Variants in TSHZ2 observed in about 807,000 individuals in gnomAD.
TSHZ2 encodes teashirt zinc finger homeobox 2.
In TSHZ2, 21 loss-of-function variants were observed where a neutral mutation model predicts 74.4. That is an observed-to-expected ratio of 0.28 (90% confidence interval 0.20 to 0.41). The LOEUF (loss-of-function observed/expected upper bound fraction) is 0.41. Among genes scored for constraint, TSHZ2 ranks in the 10% least tolerant of loss-of-function variants. TSHZ2 has a pLI of 1.00. For missense variants in TSHZ2, 1,244 were observed against 1,293.5 expected, an observed-to-expected ratio of 0.96 and a Z score of 0.59; for synonymous variants, 540 against 515.3, an observed-to-expected ratio of 1.05 and a Z score of -0.65.
intron 1 of TSHZ2, among the ~76,000 whole-genome samples, chr20:53,233,329 A>G (rs2123676025): frequency 6.6e-6 from 1 of 152,372 alleles, no homozygotes; most frequent in East Asian, 1.9e-4. Context: ...ACAATTACAC[A>G]AATAATTGTT....
At chr20:53,482,533 T>G (rs1490320778) in intron 2 of TSHZ2, among the ~76,000 whole-genome samples, 1 of 152,232 alleles carries the variant, frequency 6.6e-6, no homozygotes, top group Admixed American at 6.5e-5. Context: ...TCATTTGTGC[T>G]TATTTCACAT....
chr20:53,412,162 A>G (rs1323314757), intron 2 of TSHZ2, among the ~76,000 whole-genome samples: 1 of 152,214 alleles, frequency 6.6e-6, no homozygotes, highest in African/African-American at 2.4e-5. Flanking sequence ...AGAGTCAGAA[A>G]AGTCAGGTTA....
chr20:53,140,872 G>C (rs1987380758), intron 1 of TSHZ2, among the ~76,000 whole-genome samples: 2 of 152,154 alleles, frequency 1.3e-5, no homozygotes, highest in African/African-American at 2.4e-5. Flanking sequence ...TTGAGGGACG[G>C]TGTGGACAGC....
At position 53,209,805 on chromosome 20, in the gene TSHZ2, G is replaced by T. The variant is rs1037262231; in HGVS notation, c.41-43694G>T. Among the ~76,000 whole-genome samples the T allele has an allele frequency of 1.3e-5, 2 of 152,146 alleles. 1 individual carries two copies. Among genetic ancestry groups the T allele is most frequent in the East Asian group, 3.9e-4 (2 of 5,190 alleles). On this transcript the variant is annotated intron_variant, in intron 1 of 2. Transcript: ENST00000371497. ...GAAGAACAGTGCATACGTGGAACCT[G>T]CAGATGTGAAAACTGAACAATGGCT...
At chr20:53,135,011 C>CACACAT (rs1170056505) in intron 1 of TSHZ2, among the ~76,000 whole-genome samples, 1 of 130,520 alleles carries the variant, frequency 7.7e-6, no homozygotes, top group African/African-American at 4.2e-5. Flanking sequence ...CATGCAGACA[C>CACACAT]ACACACACAC....
chr20:53,461,741 A>C (rs1047456827), intron 2 of TSHZ2, among the ~76,000 whole-genome samples: 53 of 152,352 alleles, frequency 3.5e-4, no homozygotes, highest in African/African-American at 1.3e-3. Context: ...GCTCTTTTAA[A>C]GTCCTTCTTC....
chr20:53,295,696 A>G (rs1395115326), intron 2 of TSHZ2, among the ~76,000 whole-genome samples: 1 of 152,212 alleles, frequency 6.6e-6, no homozygotes, highest in Non-Finnish European at 1.5e-5. Context: ...CCACAAAACA[A>G]TGTTTTCATA....
At chr20:53,252,667 A>C (rs891394294) in intron 1 of TSHZ2, among the ~76,000 whole-genome samples, 1 of 152,222 alleles carries the variant, frequency 6.6e-6, no homozygotes, top group Admixed American at 6.5e-5. Flanking sequence ...TCAAATATAT[A>C]ATTGGCATCT....
chr20:52,990,268 G>GATGTCTACCCCTCTAATGAAAA (rs1981930357), intron 1 of TSHZ2, among the ~76,000 whole-genome samples: 3 of 152,046 alleles, frequency 2.0e-5, no homozygotes, highest in Non-Finnish European at 4.4e-5. Context: ...ACTTCACTGA[G>GATGTCTACCCCTCTAATGAAAA]ATGTCTACCC....
intron 1 of TSHZ2, among the ~76,000 whole-genome samples, chr20:52,983,690 T>C (rs1981649277): frequency 6.6e-6 from 1 of 152,264 alleles, no homozygotes; most frequent in South Asian, 2.1e-4. Context: ...TCTTGTATTT[T>C]GCGCATCGTG....
In TSHZ2 at chr20:53,284,067, A is replaced by G. The variant is rs769053449; in HGVS notation, c.*8+27496A>G. ...GGGCTCTTTGTCAAGTTCCTGACCA[A>G]ATGCCCGGCAGGGGCTTTCTTCCTC... On this transcript the variant is annotated intron_variant, in intron 2 of 2. Transcript: ENST00000371497. Among the ~76,000 whole-genome samples, 57 of 152,338 alleles carry G rather than the reference A, an allele frequency of 3.7e-4. No individual in the cohort carries two copies. The Middle Eastern group carries it at 0.01, about 27-fold the overall frequency.
chr20:53,094,380 A>G (rs1458626233), intron 1 of TSHZ2, among the ~76,000 whole-genome samples: 1 of 152,210 alleles, frequency 6.6e-6, no homozygotes, highest in Non-Finnish European at 1.5e-5. Flanking sequence ...CTTGTCTGCC[A>G]TCTCTGGTAT....
rs575680303 is a variant in TSHZ2, at chr20:53,466,287, GA to G, written c.*9-20845del. ...AAAAAAAAAAAAGAAAGAGAAAAAG[GA>G]AAAAAAAAAAAGTCTACCTTGTTTA... On this transcript the variant is annotated intron_variant, in intron 2 of 2. Transcript: ENST00000371497. 8.9e-3 allele frequency among the ~76,000 whole-genome samples: 1,279 copies of G among 143,512 alleles called. 12 individuals carry two copies. Among genetic ancestry groups the G allele is most frequent in the African/African-American group, 0.026 (1,008 of 39,378 alleles). 94.1% of individuals were successfully genotyped at this position (143,512 alleles called of 152,430 possible).
At chr20:53,233,439 G>C (rs1167932124) in intron 1 of TSHZ2, among the ~76,000 whole-genome samples, 1 of 152,230 alleles carries the variant, frequency 6.6e-6, no homozygotes, top group Non-Finnish European at 1.5e-5. Flanking sequence ...CTAAGGGTGA[G>C]ACCTTTACGC....
chr20:53,308,290 G>A (rs1249420270), intron 2 of TSHZ2, among the ~76,000 whole-genome samples: 1 of 152,144 alleles, frequency 6.6e-6, no homozygotes, highest in Non-Finnish European at 1.5e-5. Flanking sequence ...TCAAAAGGGC[G>A]AGTTCAGGAA....
At chr20:53,338,045 A>G (rs550346154) in intron 2 of TSHZ2, among the ~76,000 whole-genome samples, 1 of 152,312 alleles carries the variant, frequency 6.6e-6, no homozygotes, top group South Asian at 2.1e-4. Flanking sequence ...CTGACCCTCC[A>G]TCTCCTCACC....
In TSHZ2 at chr20:53,283,844, C is replaced by T. The variant is rs184444142; in HGVS notation, c.*8+27273C>T. Among the ~76,000 whole-genome samples, 1,280 of 152,282 alleles carry T rather than the reference C, an allele frequency of 8.4e-3. 7 individuals carry two copies. Among genetic ancestry groups the T allele is most frequent in the Non-Finnish European group, 0.014 (956 of 68,026 alleles). On this transcript the variant is annotated intron_variant, in intron 2 of 2. Coordinates refer to ENST00000371497, the MANE Select transcript of TSHZ2 (RefSeq NM_173485.6). ...TGACTCTCCAAGATAAACAGATTAA[C>T]CCTATTTTTATCCAGGGAAGATTTT...
intron 2 of TSHZ2, among the ~76,000 whole-genome samples, chr20:53,280,732 G>A (rs548708405): frequency 7.2e-5 from 11 of 151,838 alleles, no homozygotes; most frequent in South Asian, 2.1e-4. Flanking sequence ...TCTAGCTGTC[G>A]TCCAGGCTGG....
At chr20:53,185,341 C>CA in intron 1 of TSHZ2, 1 of 1,136,724 alleles carries the variant, frequency 8.8e-7, no homozygotes, top group Non-Finnish European at 1.1e-6. Flanking sequence ...TCTGAAAACA[C>CA]AAAATCTGTT....
Sources: allele counts gnomAD v4.1 joint callset (sites outside exome capture counted in the v4.1 genomes callset), GRCh38; gene constraint gnomAD v4.1.1; transcripts MANE v1.5; gene names NCBI Gene and HGNC (gene_info 2026-07-23, HGNC 2026-07-21).